NT5C2: variants seen among roughly 807,000 people sequenced by gnomAD.
The protein encoded by NT5C2 is cytosolic purine 5'-nucleotidase.
Under a neutral mutation model 76.1 loss-of-function variants are expected in NT5C2, and 58 were observed. The ratio of observed to expected loss-of-function variants is 0.76; its 90% CI spans 0.62 to 0.95. NT5C2 has a LOEUF of 0.95. Ranked by LOEUF, NT5C2 falls within the 40% of genes least tolerant of loss-of-function variation. The pLI, the probability that NT5C2 is intolerant of heterozygous loss-of-function variation, is 0.00. For synonymous variants in NT5C2, 229 were observed against 237.4 expected (o/e 0.96, Z 0.32); for missense variants, 478 against 690.3 (o/e 0.69, Z 3.45).
chr10:103,125,163 G>T, intron 4 of NT5C2: 1 of 575,448 alleles, frequency 1.7e-6, no homozygotes, highest in Non-Finnish European at 3.2e-6. Context: ...AGATCTTTGA[G>T]TTGCACATCA....
intron 4 of NT5C2, among the ~76,000 whole-genome samples, chr10:103,133,522 A>G (rs1216575972): frequency 1.3e-5 from 2 of 152,130 alleles, no homozygotes; most frequent in African/African-American, 4.8e-5. Flanking sequence ...CAACCTCTCA[A>G]AGTGCTGGGA....
At chr10:103,129,123 T>G (rs1390933001) in intron 4 of NT5C2, among the ~76,000 whole-genome samples, 1 of 103,888 alleles carries the variant, frequency 9.6e-6, no homozygotes. Flanking sequence ...GGGAGGGAGG[T>G]GGGGGGTCAG....
chr10:103,184,146 T>C (rs2091703731), intron 1 of NT5C2, among the ~76,000 whole-genome samples: 1 of 152,138 alleles, frequency 6.6e-6, no homozygotes. Flanking sequence ...CAGACGGGGT[T>C]TCACCGTGTT....
chr10:103,190,655 G>A (rs1591968199), intron 1 of NT5C2, among the ~76,000 whole-genome samples: 1 of 152,214 alleles, frequency 6.6e-6, no homozygotes, highest in Middle Eastern at 3.2e-3. Context: ...TAAGTAGCAA[G>A]CCAGACTACA....
At chr10:103,158,208 C>A (rs2083893869) in intron 3 of NT5C2, among the ~76,000 whole-genome samples, 1 of 151,950 alleles carries the variant, frequency 6.6e-6, no homozygotes, top group Admixed American at 6.6e-5. Context: ...ATAACAAAAT[C>A]ATTGGGGTAC....
chr10:103,098,630 T>C, intron 10 of NT5C2: 1 of 299,822 alleles, frequency 3.3e-6, no homozygotes. Context: ...ATGATGTGCA[T>C]ACAGTAAACC....
At chr10:103,191,395 AAAAGAG>A (rs1564680555) in intron 1 of NT5C2, among the ~76,000 whole-genome samples, 7 of 135,020 alleles carry the variant, frequency 5.2e-5, no homozygotes, top group Non-Finnish European at 8.1e-5. Context: ...AAAAAAAAAA[AAAAGAG>A]AGAGAGAGGA....
At chr10:103,155,999 CA>C (rs911750319) in intron 3 of NT5C2, among the ~76,000 whole-genome samples, 1 of 151,288 alleles carries the variant, frequency 6.6e-6, no homozygotes, top group Non-Finnish European at 1.5e-5. Context: ...CCTGTCTCTA[CA>C]AAAAAAAATT....
intron 3 of NT5C2, chr10:103,140,333 TA>T (rs1591382181): frequency 6.6e-6 from 1 of 152,354 alleles, no homozygotes; most frequent in East Asian, 1.9e-4. Context: ...TCACTTAGCA[TA>T]ATGTCTTCTA....
intron 4 of NT5C2, among the ~76,000 whole-genome samples, chr10:103,126,617 G>A (rs11191568): frequency 0.094 from 14,359 of 152,112 alleles, 891 homozygotes; most frequent in East Asian, 0.28. Flanking sequence ...GCGAGACTCC[G>A]TCTAAAAAAC....
chr10:103,191,719 C>A (rs886551301), intron 1 of NT5C2, among the ~76,000 whole-genome samples: 1 of 144,158 alleles, frequency 6.9e-6, no homozygotes, highest in Non-Finnish European at 1.5e-5. Flanking sequence ...ACCCCCCCCA[C>A]TCCACCCCGC....
chr10:103,115,393 C>T (rs2074093919), intron 4 of NT5C2, among the ~76,000 whole-genome samples: 2 of 152,068 alleles, frequency 1.3e-5, no homozygotes, highest in South Asian at 2.1e-4. Context: ...CAGAGCAAGA[C>T]TCCGTCTCCA....
intron 2 of NT5C2, among the ~76,000 whole-genome samples, chr10:103,176,692 G>A (rs557319925): frequency 6.6e-6 from 1 of 152,210 alleles, no homozygotes; most frequent in Non-Finnish European, 1.5e-5. Flanking sequence ...CCGGGGCGAG[G>A]GGGTCTCTAC....
chr10:103,101,682 C>T (rs1055645802), intron 6 of NT5C2, among the ~76,000 whole-genome samples: 2 of 151,422 alleles, frequency 1.3e-5, no homozygotes, highest in African/African-American at 4.9e-5. Context: ...GTGTGGTGGG[C>T]GAGGTGGGTC....
At chr10:103,151,319 C>G (rs1171698828) in intron 3 of NT5C2, among the ~76,000 whole-genome samples, 4 of 152,000 alleles carry the variant, frequency 2.6e-5, no homozygotes, top group Non-Finnish European at 5.9e-5. Context: ...ATAAAATTAG[C>G]CGGGCATGGT....
At chr10:103,095,214 C>A (rs2067898683) in intron 12 of NT5C2, among the ~76,000 whole-genome samples, 1 of 152,178 alleles carries the variant, frequency 6.6e-6, no homozygotes, top group Non-Finnish European at 1.5e-5. Context: ...TCTAGGTACA[C>A]ACTGGCTTTT....
At chr10:103,186,683 G>C (rs1406844025) in intron 1 of NT5C2, among the ~76,000 whole-genome samples, 1 of 152,126 alleles carries the variant, frequency 6.6e-6, no homozygotes, top group Non-Finnish European at 1.5e-5. Flanking sequence ...GGGAGGCCGA[G>C]GCGGGCGGAT....
At chr10:103,160,733 G>A (rs1046206727) in intron 3 of NT5C2, among the ~76,000 whole-genome samples, 2 of 152,074 alleles carry the variant, frequency 1.3e-5, no homozygotes, top group African/African-American at 4.8e-5. Flanking sequence ...AAAAAGGCAG[G>A]GCCAGGCACG....
At chr10:103,115,442 GA>G (rs1443957304) in intron 4 of NT5C2, among the ~76,000 whole-genome samples, 28 of 151,972 alleles carry the variant, frequency 1.8e-4, no homozygotes, top group Admixed American at 1.5e-3. Context: ...TGCTGGGAGC[GA>G]AAAATTCATC....
Sources: gnomAD v4.1 joint callset for allele counts (sites outside exome capture counted in the v4.1 genomes callset) on GRCh38, gnomAD v4.1.1 for gene constraint, MANE v1.5 for transcripts, NCBI Gene and HGNC (gene_info 2026-07-23, HGNC 2026-07-21) for gene names.